Variants in AUTS2 observed in about 807,000 individuals in gnomAD.
AUTS2 encodes the protein activator of transcription and developmental regulator AUTS2.
AUTS2 carries 17 observed loss-of-function variants against 112.4 expected under a neutral mutation model. The observed-to-expected ratio is 0.15, with a 90% CI of 0.10 to 0.23. AUTS2 has a LOEUF of 0.23. AUTS2 is among the 10% of genes least tolerant of loss of function. The pLI is 1.00. For synonymous variants in AUTS2, 751 were observed against 702.7 expected (o/e 1.07, Z -1.09); for missense variants, 1,510 against 1,701.6 (o/e 0.89, Z 1.98).
intron 4 of AUTS2, among the ~76,000 whole-genome samples, chr7:70,215,449 T>G (rs1700805974): frequency 6.6e-6 from 1 of 152,212 alleles, no homozygotes. Flanking sequence ...TATTCTAAGG[T>G]CAGTGAGAAC....
At chr7:69,934,689 A>C (rs1796344136) in intron 2 of AUTS2, among the ~76,000 whole-genome samples, 1 of 152,142 alleles carries the variant, frequency 6.6e-6, no homozygotes, top group Non-Finnish European at 1.5e-5. Flanking sequence ...TAGAGGAAGA[A>C]AGCGTACCTT....
chr7:70,557,896 C>T (rs563325505), intron 5 of AUTS2, among the ~76,000 whole-genome samples: 1 of 152,288 alleles, frequency 6.6e-6, no homozygotes, highest in East Asian at 1.9e-4. Flanking sequence ...GTGCAGGGCT[C>T]ACAGGAGAGC....
At chr7:69,662,947 C>A (rs1795872674) in intron 1 of AUTS2, among the ~76,000 whole-genome samples, 1 of 152,090 alleles carries the variant, frequency 6.6e-6, no homozygotes, top group Non-Finnish European at 1.5e-5. Context: ...CGTGTGATTT[C>A]CACAAATAGA....
intron 5 of AUTS2, among the ~76,000 whole-genome samples, chr7:70,439,538 CAAAAAA>C (rs71077657): frequency 2.3e-3 from 166 of 73,280 alleles, no homozygotes; most frequent in Admixed American, 8.1e-3. Flanking sequence ...GACTCCATCT[CAAAAAA>C]AAAAAAAAAA....
At chr7:70,310,474 G>A (rs748318499) in intron 4 of AUTS2, among the ~76,000 whole-genome samples, 5 of 152,036 alleles carry the variant, frequency 3.3e-5, no homozygotes, top group Non-Finnish European at 4.4e-5. Context: ...TTAGCTGGGC[G>A]TGGTGGTGGG....
chr7:70,749,621 G>A (rs1788676508), intron 6 of AUTS2, among the ~76,000 whole-genome samples: 1 of 152,222 alleles, frequency 6.6e-6, no homozygotes, highest in Non-Finnish European at 1.5e-5. Flanking sequence ...ATTCATTTTA[G>A]CAGCATCTCT....
At chr7:70,413,402 T>TA (rs1370376369) in intron 4 of AUTS2, among the ~76,000 whole-genome samples, 1 of 152,138 alleles carries the variant, frequency 6.6e-6, no homozygotes, top group Non-Finnish European at 1.5e-5. Context: ...CAGCCTGTTT[T>TA]AGGGACCTGG....
At chr7:70,313,434 G>T (rs569968824) in intron 4 of AUTS2, among the ~76,000 whole-genome samples, 1 of 152,110 alleles carries the variant, frequency 6.6e-6, no homozygotes, top group Non-Finnish European at 1.5e-5. Context: ...ATTCTCCTTG[G>T]GATCCCAAGC....
intron 5 of AUTS2, among the ~76,000 whole-genome samples, chr7:70,659,609 C>T (rs1806961145): frequency 6.6e-6 from 1 of 152,080 alleles, no homozygotes; most frequent in Non-Finnish European, 1.5e-5. Flanking sequence ...AAGTTATGGA[C>T]ATTACTGGGA....
At chr7:69,669,405 A>T (rs1445535057) in intron 1 of AUTS2, among the ~76,000 whole-genome samples, 2 of 152,058 alleles carry the variant, frequency 1.3e-5, no homozygotes, top group Non-Finnish European at 2.9e-5. Flanking sequence ...TTTTTGATTT[A>T]TTATATTGTA....
intron 1 of AUTS2, among the ~76,000 whole-genome samples, chr7:69,724,663 G>T (rs1035195734): frequency 6.6e-6 from 1 of 152,204 alleles, no homozygotes; most frequent in East Asian, 1.9e-4. Context: ...TTACTGCTTA[G>T]GGATAAATAT....
intron 5 of AUTS2, among the ~76,000 whole-genome samples, chr7:70,687,409 G>C (rs1244070972): frequency 6.6e-6 from 1 of 152,214 alleles, no homozygotes; most frequent in African/African-American, 2.4e-5. Context: ...TTGCAGGGTT[G>C]TCAGATTCTG....
intron 5 of AUTS2, among the ~76,000 whole-genome samples, chr7:70,523,137 G>A (rs765078026): frequency 6.6e-6 from 1 of 152,234 alleles, no homozygotes; most frequent in East Asian, 1.9e-4. Flanking sequence ...GCTGCTTCTG[G>A]TAGCACCTTT....
chr7:70,558,107 A>T (rs1801324786), intron 5 of AUTS2, among the ~76,000 whole-genome samples: 1 of 152,130 alleles, frequency 6.6e-6, no homozygotes, highest in Admixed American at 6.5e-5. Context: ...CCATAAGCAC[A>T]GGGACACCTC....
intron 2 of AUTS2, among the ~76,000 whole-genome samples, chr7:70,092,765 C>T (rs183557292): frequency 7.9e-5 from 12 of 152,288 alleles, no homozygotes; most frequent in South Asian, 4.1e-4. Context: ...AGCACAGCTG[C>T]GGTTTTGGAT....
intron 6 of AUTS2, among the ~76,000 whole-genome samples, chr7:70,725,107 A>G (rs1585576667): frequency 1.3e-5 from 2 of 152,230 alleles, no homozygotes; most frequent in South Asian, 4.1e-4. Context: ...ACAATGATTT[A>G]CAGATCTTTT....
chr7:70,057,044 G>T (rs1802025287), intron 2 of AUTS2, among the ~76,000 whole-genome samples: 1 of 152,146 alleles, frequency 6.6e-6, no homozygotes, highest in Non-Finnish European at 1.5e-5. Context: ...GCACATGCAT[G>T]ATTTGGATTT....
chr7:70,097,044 A>G (rs1203111776), intron 2 of AUTS2, among the ~76,000 whole-genome samples: 1 of 152,202 alleles, frequency 6.6e-6, no homozygotes, highest in Non-Finnish European at 1.5e-5. Flanking sequence ...GTACGAATGC[A>G]TTTTCAATGA....
intron 2 of AUTS2, among the ~76,000 whole-genome samples, chr7:70,083,624 T>C (rs1460926672): frequency 6.6e-6 from 1 of 152,162 alleles, no homozygotes; most frequent in East Asian, 1.9e-4. Flanking sequence ...AGTTTTGACA[T>C]GCATACACCT....
Sources: gnomAD v4.1 joint callset for allele counts (sites outside exome capture counted in the v4.1 genomes callset) on GRCh38, gnomAD v4.1.1 for gene constraint, MANE v1.5 for transcripts, NCBI Gene and HGNC (gene_info 2026-07-23, HGNC 2026-07-21) for gene names.